The following FSTL4 variants were observed in gnomAD, a reference collection of about 807,000 sequenced individuals.
FSTL4 encodes the protein follistatin like 4.
A neutral mutation model predicts 78.2 loss-of-function variants in FSTL4; 28 were observed. The ratio of observed to expected loss-of-function variants is 0.36; its 90% CI spans 0.27 to 0.49. The LOEUF (loss-of-function observed/expected upper bound fraction) is 0.49. Among genes scored for constraint, FSTL4 ranks in the 20% least tolerant of loss-of-function variants. FSTL4 has a pLI of 0.98. For missense variants in FSTL4, 922 were observed against 1,084.9 expected (o/e 0.85, Z 2.11); for synonymous variants, 422 against 440.5 (o/e 0.96, Z 0.53).
intron 3 of FSTL4, among the ~76,000 whole-genome samples, chr5:133,432,360 A>G (rs1756958122): frequency 1.3e-5 from 2 of 152,216 alleles, no homozygotes; most frequent in African/African-American, 4.8e-5. Context: ...CTCCCACAAT[A>G]TCTACCCAAT....
chr5:133,298,735 C>T (rs2126875591), intron 6 of FSTL4, among the ~76,000 whole-genome samples: 1 of 152,334 alleles, frequency 6.6e-6, no homozygotes, highest in South Asian at 2.1e-4. Flanking sequence ...TCTCAGTTCG[C>T]TCTGGAAGCT....
chr5:133,762,846 T>C, the FSTL4 span, among the ~76,000 whole-genome samples: 1 of 152,150 alleles, frequency 6.6e-6, no homozygotes, highest in African/African-American at 2.4e-5. Flanking sequence ...AAGTGGGAAG[T>C]GGGATTTCCC....
chr5:133,561,421 C>T (rs558989478), intron 3 of FSTL4, among the ~76,000 whole-genome samples: 1 of 152,248 alleles, frequency 6.6e-6, no homozygotes, highest in South Asian at 2.1e-4. Context: ...AAACCATTGC[C>T]TGTGGTCTGG....
chr5:133,269,418 T>C (rs1752718886), intron 6 of FSTL4, among the ~76,000 whole-genome samples: 1 of 152,124 alleles, frequency 6.6e-6, no homozygotes, highest in African/African-American at 2.4e-5. Context: ...GCAGTGGGAT[T>C]TGGGAGGGGT....
chr5:133,482,940 C>T (rs1475616352), intron 3 of FSTL4, among the ~76,000 whole-genome samples: 5 of 152,156 alleles, frequency 3.3e-5, no homozygotes. Context: ...TGTCATGGAC[C>T]AAAGCCACCT....
intron 5 of FSTL4, 119 bp from the exon 6 acceptor site, chr5:133,312,896 C>T (rs1753821157): frequency 1.2e-6 from 1 of 838,832 alleles, no homozygotes; most frequent in Admixed American, 2.8e-5. Context: ...TTGAGGGGTA[C>T]CTGAAGCTCT....
intron 13 of FSTL4, among the ~76,000 whole-genome samples, chr5:133,216,199 T>A (rs1180703229): frequency 2.0e-5 from 3 of 152,198 alleles, no homozygotes; most frequent in Non-Finnish European, 4.4e-5. Context: ...TCAGGCTTCA[T>A]GTTTAAAATA....
chr5:133,730,593 C>T, the FSTL4 span, among the ~76,000 whole-genome samples: 1 of 152,334 alleles, frequency 6.6e-6, no homozygotes, highest in East Asian at 1.9e-4. Flanking sequence ...CAACGGTGTC[C>T]TTCATCAAGT....
the FSTL4 span, among the ~76,000 whole-genome samples, chr5:133,787,440 C>T: frequency 2.0e-5 from 3 of 152,326 alleles, no homozygotes; most frequent in South Asian, 2.1e-4. Context: ...GCCTGCTGAA[C>T]GCCTAGGGTT....
chr5:133,576,737 C>T (rs542447499), intron 2 of FSTL4, among the ~76,000 whole-genome samples: 1 of 152,288 alleles, frequency 6.6e-6, no homozygotes, highest in East Asian at 1.9e-4. Context: ...CCCACGTGTC[C>T]AATTTATGAA....
chr5:133,469,406 A>G (rs1262124050), intron 3 of FSTL4, among the ~76,000 whole-genome samples: 2 of 152,214 alleles, frequency 1.3e-5, no homozygotes, highest in African/African-American at 2.4e-5. Context: ...GCTTTGGGAA[A>G]GGGATGAATG....
At chr5:133,203,826 C>A (rs937025849) in intron 14 of FSTL4, among the ~76,000 whole-genome samples, 2 of 152,156 alleles carry the variant, frequency 1.3e-5, no homozygotes, top group African/African-American at 4.8e-5. Context: ...GCTCTGACAC[C>A]CTAGATTCAG....
chr5:133,273,133 C>A (rs1752803251), intron 6 of FSTL4, among the ~76,000 whole-genome samples: 1 of 152,192 alleles, frequency 6.6e-6, no homozygotes, highest in South Asian at 2.1e-4. Flanking sequence ...CTGTTCTCTC[C>A]AGGGAAGTGC....
At chr5:133,302,662 G>A (rs181968319) in intron 6 of FSTL4, among the ~76,000 whole-genome samples, 2 of 152,238 alleles carry the variant, frequency 1.3e-5, no homozygotes, top group African/African-American at 2.4e-5. Context: ...CCAAACCGAG[G>A]GGTGACTGCA....
At chr5:133,292,905 G>A (rs1342607186) in intron 6 of FSTL4, among the ~76,000 whole-genome samples, 1 of 152,244 alleles carries the variant, frequency 6.6e-6, no homozygotes, top group African/African-American at 2.4e-5. Flanking sequence ...GGCAGCCTTC[G>A]TGGTCTAGCT....
intron 3 of FSTL4, among the ~76,000 whole-genome samples, chr5:133,539,930 ACTG>A (rs1759432798): frequency 6.7e-6 from 1 of 149,604 alleles, no homozygotes; most frequent in Non-Finnish European, 1.5e-5. Context: ...CAAACATTTT[ACTG>A]GATGTTTCTG....
the FSTL4 span, among the ~76,000 whole-genome samples, chr5:133,730,374 G>A: frequency 6.6e-6 from 1 of 152,188 alleles, no homozygotes; most frequent in Non-Finnish European, 1.5e-5. Context: ...CAGGCTTCCT[G>A]ACATGAATGA....
intron 4 of FSTL4, among the ~76,000 whole-genome samples, chr5:133,366,204 C>T (rs1192628927): frequency 2.0e-5 from 3 of 152,212 alleles, no homozygotes; most frequent in Non-Finnish European, 4.4e-5. Flanking sequence ...GTGGGTCTCT[C>T]TTTCCCCTGA....
chr5:133,794,078 C>T, the FSTL4 span, among the ~76,000 whole-genome samples: 6 of 152,180 alleles, frequency 3.9e-5, no homozygotes, highest in Non-Finnish European at 7.3e-5. Context: ...GGTGTGTATG[C>T]ACGCCCTTGA....
Sources: allele counts gnomAD v4.1 joint callset (sites outside exome capture counted in the v4.1 genomes callset), GRCh38; gene constraint gnomAD v4.1.1; transcripts MANE v1.5; gene names NCBI Gene and HGNC (gene_info 2026-07-23, HGNC 2026-07-21).